The following MGA variants were observed in gnomAD, a reference collection of about 807,000 sequenced individuals.
The protein encoded by MGA is MAX gene-associated protein.
A neutral mutation model predicts 261.1 loss-of-function variants in MGA; 40 were observed. The observed-to-expected ratio is 0.15, with a 90% confidence interval of 0.12 to 0.20. The LOEUF is 0.20. MGA is among the 10% of genes least tolerant of loss of function. MGA has a pLI of 1.00. For synonymous variants in MGA, 1,302 were observed against 1,290.6 expected (o/e 1.01, Z -0.19); for missense variants, 3,397 against 3,630.5 (o/e 0.94, Z 1.65).
intron 2 of MGA, among the ~76,000 whole-genome samples, chr15:41,695,511 C>G (rs2059512216): frequency 6.6e-6 from 1 of 152,144 alleles, no homozygotes; most frequent in South Asian, 2.1e-4. Context: ...ACCATATTCT[C>G]AAGATACATT....
rs370656754 is a variant in MGA at position 41,713,235 on chromosome 15, G to A, written c.3169G>A (p.Val1057Ile). The change falls in exon 9 of 24, where the codon GTA becomes ATA. Residue 1057 changes from valine to isoleucine, a missense_variant. Coordinates refer to ENST00000219905, the MANE Select transcript of MGA (RefSeq NM_001164273.2). Reference sequence around the variant, plus strand: ...CAATGACTTCTGTCGACTGGGTTGTGTATGTTCCAGTCTAGCTTTGGAGAA... The same window carrying A: ...CAATGACTTCTGTCGACTGGGTTGTATATGTTCCAGTCTAGCTTTGGAGAA... The A allele has an allele frequency of 3.7e-6, 6 of 1,613,902 alleles. No individual in the cohort carries two copies. The African/African-American group carries it at 5.3e-5, about 14-fold the overall frequency.
At chr15:41,752,789 C>T (rs1252595296) in intron 17 of MGA, among the ~76,000 whole-genome samples, 2 of 152,018 alleles carry the variant, frequency 1.3e-5, no homozygotes, top group African/African-American at 2.4e-5. Context: ...AACTCCTGAC[C>T]TCAGGTGATC....
At position 41,704,614 on chromosome 15, in the gene MGA, T is replaced by C. The variant is rs189584301; in HGVS notation, c.2189-3114T>C. ...CGGAGCTTGCAGTGAGTGGAGATCGTGCCACTGCACTCCAGCCTGGGTGAC... is the reference window on the plus strand; with the variant it reads ...CGGAGCTTGCAGTGAGTGGAGATCGCGCCACTGCACTCCAGCCTGGGTGAC... On this transcript the variant is annotated intron_variant, in intron 5 of 23. Transcript: ENST00000219905. Among the ~76,000 whole-genome samples the C allele has an allele frequency of 7.9e-5, 12 of 152,284 alleles. No homozygotes were observed. The South Asian group carries it at 2.1e-3, about 26-fold the overall frequency.
chr15:41,758,003 C>T (rs954726519), intron 19 of MGA, among the ~76,000 whole-genome samples, 164 bp downstream of exon 19: 1 of 152,074 alleles, frequency 6.6e-6, no homozygotes, highest in African/African-American at 2.4e-5. Flanking sequence ...AATTATACTG[C>T]TAATGTCCTT....
chr15:41,746,718 A>G lies in MGA; in HGVS notation c.5213-1919A>G, dbSNP rs573803596. Among the ~76,000 whole-genome samples the G allele has an allele frequency of 4.6e-5, 7 of 151,960 alleles. No homozygotes were observed. The South Asian group carries it at 8.3e-4, about 18-fold the overall frequency. On this transcript the variant is annotated intron_variant, in intron 15 of 23. Coordinates refer to ENST00000219905, the MANE Select transcript of MGA (RefSeq NM_001164273.2). ...ACCATGACTTTCTTTTTGAAATTTG[A>G]TATTTTTTTGTGTGGGCAGAGTGCC...
chr15:41,633,449 G>A (rs1011730161), intron 1 of MGA, among the ~76,000 whole-genome samples: 3 of 151,140 alleles, frequency 2.0e-5, no homozygotes, highest in African/African-American at 7.3e-5. Flanking sequence ...TGCCTCCTGG[G>A]CTCAAGTGAT....
chr15:41,674,076 G>C (rs1288272192), intron 2 of MGA, among the ~76,000 whole-genome samples: 1 of 152,008 alleles, frequency 6.6e-6, no homozygotes, highest in East Asian at 1.9e-4. Context: ...AGTTTTAGTA[G>C]AGGTGGGCTT....
chr15:41,673,952 C>T lies in MGA; in HGVS notation c.1064+3994C>T, dbSNP rs145209243. Among the ~76,000 whole-genome samples the T allele has an allele frequency of 5.5e-3, 832 of 151,822 alleles. 5 individuals carry two copies. The highest frequency in any genetic ancestry group is 8.9e-3 in the Non-Finnish European group (605 of 67,944). Reference sequence around the variant, plus strand: ...TGTCACCCAGGCTGAAGCGCAGTGGCGCGATCTCGACTCACGGAAACCTCC... The same window carrying T: ...TGTCACCCAGGCTGAAGCGCAGTGGTGCGATCTCGACTCACGGAAACCTCC... On this transcript the variant is annotated intron_variant, in intron 2 of 23. Coordinates refer to ENST00000219905, the MANE Select transcript of MGA (RefSeq NM_001164273.2).
rs764153754 is a variant in MGA, at chr15:41,669,004, A to G, written c.110A>G (p.Asp37Gly). The change falls in exon 2 of 24, where the codon GAT (aspartate) becomes GGT (glycine). Residue 37 changes from aspartate to glycine, a missense_variant. By Grantham distance (94) the Asp-to-Gly change is moderately conservative (BLOSUM62 -1). Around this residue, in one of 9 missense-constraint regions of MGA, gnomAD observed 81 missense variants for 84.3 expected, o/e 0.96. Coordinates refer to ENST00000219905, the MANE Select transcript of MGA (RefSeq NM_001164273.2). ...AAGCAGCCAGGAAATGGCAAAACTG[A>G]TCAAGGAATTTTGGTTACTAATCAG... 2.5e-6 allele frequency: 4 copies of G among 1,613,706 alleles called. No homozygotes were observed. The highest frequency in any genetic ancestry group is 3.4e-6 in the Non-Finnish European group (4 of 1,179,636).
intron 6 of MGA, 93 bp from the exon 7 acceptor site, chr15:41,708,011 T>C: frequency 7.4e-7 from 1 of 1,349,182 alleles, no homozygotes; most frequent in Non-Finnish European, 1.0e-6. Context: ...AAGTGATTTA[T>C]ACACTTACCA....
At chr15:41,646,707 C>T (rs1235910588) in intron 1 of MGA, among the ~76,000 whole-genome samples, 1 of 151,804 alleles carries the variant, frequency 6.6e-6, no homozygotes, top group African/African-American at 2.4e-5. Context: ...GAGACTCTGT[C>T]ACCCCCCGCC....
chr15:41,633,703 G>A (rs1394191071), intron 1 of MGA, among the ~76,000 whole-genome samples: 1 of 152,180 alleles, frequency 6.6e-6, no homozygotes, highest in Non-Finnish European at 1.5e-5. Flanking sequence ...GATTACAGGT[G>A]TGAGCCACTG....
At chr15:41,741,547 G>A (rs1275483121) in intron 14 of MGA, among the ~76,000 whole-genome samples, 1 of 152,018 alleles carries the variant, frequency 6.6e-6, no homozygotes, top group Non-Finnish European at 1.5e-5. Context: ...GGAGGAAATG[G>A]TAGAAACAAG....
chr15:41,762,471 T>G (rs1163062892), intron 22 of MGA, 109 bp downstream of exon 22: 21 of 681,432 alleles, frequency 3.1e-5, no homozygotes, highest in African/African-American at 2.6e-4. Context: ...GTTTTTTTTT[T>G]TTTTTTTTTT....
At chr15:41,677,054 G>T (rs1362278001) in intron 2 of MGA, among the ~76,000 whole-genome samples, 1 of 152,216 alleles carries the variant, frequency 6.6e-6, no homozygotes, top group Non-Finnish European at 1.5e-5. Context: ...AAGGCCACTT[G>T]CCTGATCTCT....
intron 18 of MGA, among the ~76,000 whole-genome samples, chr15:41,757,077 A>G (rs1206282798): frequency 6.6e-6 from 1 of 152,114 alleles, no homozygotes; most frequent in Non-Finnish European, 1.5e-5. Flanking sequence ...AGGGAATGTG[A>G]TTGAGTAGAC....
At chr15:41,650,204 A>G (rs957670399) in intron 1 of MGA, among the ~76,000 whole-genome samples, 5 of 152,194 alleles carry the variant, frequency 3.3e-5, no homozygotes, top group Admixed American at 6.5e-5. Flanking sequence ...GGTAGGAATC[A>G]TGTCTTTGCG....
At chr15:41,674,410 C>A (rs962827877) in intron 2 of MGA, among the ~76,000 whole-genome samples, 1 of 152,142 alleles carries the variant, frequency 6.6e-6, no homozygotes, top group African/African-American at 2.4e-5. Context: ...GTTGGCCAGG[C>A]TGGTCTTGAA....
chr15:41,710,468 C>T (rs892534631), intron 7 of MGA, among the ~76,000 whole-genome samples: 3 of 151,924 alleles, frequency 2.0e-5, no homozygotes, highest in Admixed American at 6.6e-5. Flanking sequence ...GTCCTTGTTA[C>T]GTTACTTAGG....
Sources: allele counts gnomAD v4.1 joint callset (sites outside exome capture counted in the v4.1 genomes callset), GRCh38; gene constraint gnomAD v4.1.1; regional missense constraint gnomAD v4.1.1; transcripts MANE v1.5; gene names NCBI Gene and HGNC (gene_info 2026-07-23, HGNC 2026-07-21).